The following COG5 variants were observed in gnomAD, a reference collection of about 807,000 sequenced individuals.
The protein encoded by COG5 is component of oligomeric golgi complex 5.
Under a neutral mutation model 110.4 loss-of-function variants are expected in COG5, and 86 were observed. That is an observed-to-expected ratio of 0.78 (90% CI 0.65 to 0.93). COG5 has a LOEUF of 0.93. Among genes scored for constraint, COG5 ranks in the 40% least tolerant of loss-of-function variants. The pLI is 0.00. For missense variants in COG5, 1,077 were observed against 987.0 expected, an observed-to-expected ratio of 1.09 and a Z score of -1.22; for synonymous variants, 360 against 334.6, an observed-to-expected ratio of 1.08 and a Z score of -0.83.
At chr7:107,414,415 G>A (rs186223181) in intron 6 of COG5, among the ~76,000 whole-genome samples, 2 of 152,132 alleles carry the variant, frequency 1.3e-5, no homozygotes, top group Admixed American at 1.3e-4. Flanking sequence ...TATGAGACTA[G>A]TGCTTTTAGT....
intron 11 of COG5, among the ~76,000 whole-genome samples, chr7:107,307,816 T>C (rs1304979019): frequency 7.0e-6 from 1 of 142,628 alleles, no homozygotes; most frequent in Non-Finnish European, 1.6e-5. Context: ...GTACACCCAC[T>C]GCTTGGGTGA....
At chr7:107,403,556 A>G (rs1237557067) in intron 7 of COG5, among the ~76,000 whole-genome samples, 1 of 150,938 alleles carries the variant, frequency 6.6e-6, no homozygotes, top group African/African-American at 2.4e-5. Context: ...TAACCCCAAC[A>G]GGCCCCGGTG....
At chr7:107,563,421 G>C in intron 1 of COG5, 1 of 355,850 alleles carries the variant, frequency 2.8e-6, no homozygotes, top group East Asian at 7.3e-5. Context: ...GTCTGTTCTA[G>C]AGCTTACACT....
At chr7:107,489,809 A>G (rs1797877188) in intron 6 of COG5, among the ~76,000 whole-genome samples, 1 of 152,140 alleles carries the variant, frequency 6.6e-6, no homozygotes, top group African/African-American at 2.4e-5. Flanking sequence ...TTTTTTTAAA[A>G]AAAGAAAAAG....
chr7:107,563,487 G>A (rs1371080245), intron 1 of COG5: 2 of 438,268 alleles, frequency 4.6e-6, no homozygotes, highest in Non-Finnish European at 8.5e-6. Flanking sequence ...GCAGCCGGTG[G>A]CTGCCAACGC....
In COG5 at chr7:107,513,457, A is replaced by C. The variant is rs369896947; in HGVS notation, c.538+13780T>G. 2.5e-4 allele frequency among the ~76,000 whole-genome samples: 38 copies of C among 152,352 alleles called. 1 individual carries two copies. The East Asian group carries it at 2.7e-3, about 11-fold the overall frequency. ...ACTTTTACACTGTTGGTGGGACTGT[A>C]AACTAGTTCCACCATTGTGCAAGTC... is the stretch of plus-strand genomic sequence containing the variant. On this transcript the variant is annotated intron_variant, in intron 6 of 21. Coordinates refer to ENST00000297135, the MANE Select transcript of COG5 (RefSeq NM_006348.5).
At chr7:107,259,742 G>T (rs1320348467) in intron 14 of COG5, among the ~76,000 whole-genome samples, 4 of 152,250 alleles carry the variant, frequency 2.6e-5, no homozygotes, top group East Asian at 3.9e-4. Flanking sequence ...GAAAGGGGAA[G>T]AATTTTTATG....
Position 107,503,178 on chromosome 7 carries a change from A to G in COG5, c.538+24059T>C, listed in dbSNP as rs575855117. Among the ~76,000 whole-genome samples, 183 of 152,176 alleles carry G rather than the reference A, an allele frequency of 1.2e-3. 2 individuals are homozygous for G. Among genetic ancestry groups the G allele is most frequent in the African/African-American group, 4.2e-3 (174 of 41,538 alleles). ...TGATCCATCTTGGGTTGATTTTTAT[A>G]TAAAGTGAGAGGGATACAGTTTCAT... On this transcript the variant is annotated intron_variant, in intron 6 of 21. Coordinates refer to ENST00000297135, the MANE Select transcript of COG5 (RefSeq NM_006348.5).
intron 16 of COG5, among the ~76,000 whole-genome samples, chr7:107,249,681 C>T (rs554641636): frequency 5.7e-5 from 8 of 140,704 alleles, no homozygotes; most frequent in African/African-American, 1.6e-4. Flanking sequence ...AAATATACAA[C>T]GTACAGGATT....
At chr7:107,230,729 G>C in intron 18 of COG5, 38 bp from the exon 19 acceptor site, 3 of 1,467,448 alleles carry the variant, frequency 2.0e-6, no homozygotes, top group Non-Finnish European at 1.9e-6. Flanking sequence ...TGTAATGTCA[G>C]AATCATTAGG....
intron 12 of COG5, among the ~76,000 whole-genome samples, chr7:107,295,066 CATATATATATATAT>C (rs1186377118): frequency 2.0e-4 from 9 of 45,846 alleles, no homozygotes; most frequent in African/African-American, 6.3e-4. Flanking sequence ...CACACACACA[CATATATATATATAT>C]ATATATATAT....
chr7:107,384,158 G>A lies in COG5; in HGVS notation c.670-11398C>T, dbSNP rs186709384. 5.9e-5 allele frequency among the ~76,000 whole-genome samples: 9 copies of A among 152,232 alleles called. No homozygotes were observed. The East Asian group carries it at 1.5e-3, about 26-fold the overall frequency. ...TGGTCACACAACCAGAGCCTCTGACGATGGCTCCTTCTGCTGGGAACCCTT... is the reference window on the plus strand; with the variant it reads ...TGGTCACACAACCAGAGCCTCTGACAATGGCTCCTTCTGCTGGGAACCCTT... On this transcript the variant is annotated intron_variant, in intron 7 of 21. Coordinates refer to ENST00000297135, the MANE Select transcript of COG5 (RefSeq NM_006348.5).
intron 6 of COG5, among the ~76,000 whole-genome samples, chr7:107,426,261 A>G (rs2129076368): frequency 6.6e-6 from 1 of 152,330 alleles, no homozygotes; most frequent in East Asian, 1.9e-4. Context: ...CATTTAATAC[A>G]ACAACTCATT....
chr7:107,236,065 G>A (rs1376832749), intron 18 of COG5, among the ~76,000 whole-genome samples: 3 of 152,086 alleles, frequency 2.0e-5, no homozygotes, highest in South Asian at 2.1e-4. Context: ...GGCAACAAGC[G>A]GTCTCTTTTC....
At chr7:107,554,138 T>C (rs1166736204) in intron 3 of COG5, 147 bp downstream of exon 3, 3 of 702,298 alleles carry the variant, frequency 4.3e-6, no homozygotes, top group Non-Finnish European at 5.2e-6. Flanking sequence ...CTGCCTACTT[T>C]CACTCTACAA....
At position 107,553,931 on chromosome 7, in the gene COG5, C is replaced by T. The variant is rs1231567552; in HGVS notation, c.292+354G>A. Among the ~76,000 whole-genome samples the T allele has an allele frequency of 2.0e-5, 3 of 152,158 alleles. No individual in the cohort carries two copies. In the East Asian group the frequency reaches 5.8e-4, roughly 29 times the overall value. On this transcript the variant is annotated intron_variant, in intron 3 of 21. Coordinates refer to ENST00000297135, the MANE Select transcript of COG5 (RefSeq NM_006348.5). The stretch of plus-strand genomic sequence containing the variant: ...AATTCATTTAATCCTCAGAACAATG[C>T]TGTGTTAGTACACATTATACTCCTG...
rs76317447 is a variant in COG5 at position 107,499,390 on chromosome 7, C to G, written c.538+27847G>C. Among the ~76,000 whole-genome samples the G allele has an allele frequency of 2.9e-4, 43 of 150,146 alleles. 2 individuals are homozygous for G. In the East Asian group the frequency reaches 8.2e-3, roughly 29 times the overall value. On this transcript the variant is annotated intron_variant, in intron 6 of 21. Coordinates refer to ENST00000297135, the MANE Select transcript of COG5 (RefSeq NM_006348.5). ...AACCTATCCAGAAAAGTTTAAAAAA[C>G]AAAGGGAAGAGGAGTAAATTTTTTT...
intron 7 of COG5, among the ~76,000 whole-genome samples, chr7:107,386,697 G>A (rs1380625902): frequency 6.6e-6 from 1 of 152,106 alleles, no homozygotes; most frequent in African/African-American, 2.4e-5. Context: ...GGGACCTGAT[G>A]CAAACTGTTG....
intron 19 of COG5, among the ~76,000 whole-genome samples, chr7:107,219,039 A>C (rs1190565629): frequency 6.6e-6 from 1 of 152,188 alleles, no homozygotes; most frequent in African/African-American, 2.4e-5. Flanking sequence ...AAAAACCTGA[A>C]TAGATGTTTC....
Sources: gnomAD v4.1 joint callset for allele counts (sites outside exome capture counted in the v4.1 genomes callset) on GRCh38, gnomAD v4.1.1 for gene constraint, MANE v1.5 for transcripts, NCBI Gene and HGNC (gene_info 2026-07-23, HGNC 2026-07-21) for gene names.